The following SUGP2 variants were observed in gnomAD, a reference collection of about 807,000 sequenced individuals.
The protein encoded by SUGP2 is SURP and G-patch domain-containing protein 2.
SUGP2 carries 24 observed loss-of-function variants against 90.5 expected under a neutral mutation model. That is an observed-to-expected ratio of 0.27 (90% CI 0.19 to 0.37). SUGP2 has a LOEUF of 0.37. Ranked by LOEUF, SUGP2 falls within the 10% of genes least tolerant of loss-of-function variation. The pLI, the probability that SUGP2 is intolerant of heterozygous loss-of-function variation, is 1.00. For missense variants in SUGP2, 1,233 were observed against 1,363.3 expected, an observed-to-expected ratio of 0.90 and a Z score of 1.51; for synonymous variants, 473 against 513.4, an observed-to-expected ratio of 0.92 and a Z score of 1.06.
chr19:19,032,459 C>A (rs2059208118), intron 1 of SUGP2, among the ~76,000 whole-genome samples: 2 of 152,220 alleles, frequency 1.3e-5, no homozygotes, highest in Middle Eastern at 3.4e-3. Context: ...TGCGCCTGGC[C>A]CAGGATCACT....
Position 19,031,046 on chromosome 19 carries a change from T to G in SUGP2, c.26A>C (p.Glu9Ala). Residue 9 changes from glutamate (E) to alanine (A), a missense_variant, in exon 2 of 11, where the codon GAG (glutamate) becomes GCG (alanine). By Grantham distance (107) the Glu-to-Ala change is moderately radical. This residue lies in a region of SUGP2 where 418 missense variants were observed against 399.9 expected (regional missense o/e 1.05). Transcript: ENST00000452918. Reference sequence around the variant, plus strand: ...TTCTTGTAATACAGCATCAAAAGTCTCCTGTGTAATTCGTCTGGCTGCCAT... The same window carrying G: ...TTCTTGTAATACAGCATCAAAAGTCGCCTGTGTAATTCGTCTGGCTGCCAT... MAARRITQ[E>A]TFDAVLQEKA... The G allele has an allele frequency of 3.1e-6, 5 of 1,613,642 alleles. No homozygotes were observed. The highest frequency in any genetic ancestry group is 4.2e-6 in the Non-Finnish European group (5 of 1,179,920).
chr19:19,004,579 A>T lies in SUGP2; in HGVS notation c.2518T>A (p.Ser840Thr). Reference protein sequence around the residue: ...YRKKVFELCPSICFTSSPHNL... With the variant: ...YRKKVFELCPTICFTSSPHNL... ...TGCGGAGATGACGTGAAACAAATTG[A>T]TGGACATAGTTCAAACACTTTCTTT... Residue 840 changes from serine (S) to threonine (T), a missense_variant, in exon 7 of 11, where the codon TCA (serine) becomes ACA (threonine). By Grantham distance (58) the Ser-to-Thr change is moderately conservative (BLOSUM62 1). Transcript: ENST00000452918. 1.2e-6 allele frequency: 2 copies of T among 1,614,210 alleles called. No individual in the cohort carries two copies. The highest frequency in any genetic ancestry group is 1.7e-6 in the Non-Finnish European group (2 of 1,180,032).
chr19:19,002,876 A>G (rs573869190), intron 7 of SUGP2, among the ~76,000 whole-genome samples: 1 of 152,060 alleles, frequency 6.6e-6, no homozygotes, highest in African/African-American at 2.4e-5. Context: ...AGAAATAAAA[A>G]ACTCCACCTC....
At chr19:19,009,056 C>T (rs2058200069) in intron 5 of SUGP2, among the ~76,000 whole-genome samples, 1 of 152,148 alleles carries the variant, frequency 6.6e-6, no homozygotes, top group African/African-American at 2.4e-5. Flanking sequence ...GGACTACAGG[C>T]ATGTGCCACC....
At position 19,025,918 on chromosome 19, in the gene SUGP2, A is replaced by G. The variant is rs2058909312; in HGVS notation, c.430T>C (p.Trp144Arg). 1.2e-6 allele frequency: 2 copies of G among 1,614,126 alleles called. No homozygotes were observed. Among genetic ancestry groups the G allele is most frequent in the Non-Finnish European group, 1.7e-6 (2 of 1,180,048 alleles). ...ACTGGATGGCCAAAGTCTTGTTCCC[A>G]AGAACCACGGAGCGCAAATTTCCAG... is the stretch of plus-strand genomic sequence containing the variant. ...QDWKFALRGS[W>R]EQDFGHPVSQ... The change falls in exon 3 of 11, where the codon TGG (tryptophan) becomes CGG (arginine). Residue 144 changes from tryptophan to arginine, a missense_variant. Trp to Arg is a moderately radical substitution (Grantham distance 101). This residue lies in a region of SUGP2 where 418 missense variants were observed against 399.9 expected (regional missense o/e 1.05). Transcript: ENST00000452918.
chr19:18,995,740 C>T (rs1028961976), intron 8 of SUGP2, among the ~76,000 whole-genome samples: 2 of 152,188 alleles, frequency 1.3e-5, no homozygotes, highest in Non-Finnish European at 2.9e-5. Context: ...CCTCCCTGAA[C>T]CACCCCAACA....
intron 2 of SUGP2, 61 bp from the exon 3 acceptor site, chr19:19,026,287 T>TGCAAACAGTGCAA: frequency 1.4e-6 from 2 of 1,420,108 alleles, no homozygotes; most frequent in Admixed American, 2.8e-5. Flanking sequence ...GACCAGAGAA[T>TGCAAACAGTGCAA]GCAAACAGTG....
intron 6 of SUGP2, among the ~76,000 whole-genome samples, chr19:19,005,638 A>G (rs1447744829): frequency 1.3e-5 from 2 of 152,078 alleles, no homozygotes; most frequent in Non-Finnish European, 2.9e-5. Flanking sequence ...TGGGTCTTTC[A>G]AAGAATGGTA....
At chr19:19,001,741 G>A in intron 7 of SUGP2, 67 bp from the exon 8 acceptor site, 1 of 1,529,762 alleles carries the variant, frequency 6.5e-7, no homozygotes, top group African/African-American at 1.4e-5. Flanking sequence ...AGAGACTGAA[G>A]ATCTTGCAGT....
At chr19:18,997,443 G>A (rs1190392659) in intron 8 of SUGP2, among the ~76,000 whole-genome samples, 1 of 152,114 alleles carries the variant, frequency 6.6e-6, no homozygotes, top group African/African-American at 2.4e-5. Flanking sequence ...AAACAACCTG[G>A]AGAGGTGCTG....
intron 1 of SUGP2, among the ~76,000 whole-genome samples, chr19:19,031,444 G>T (rs936660135): frequency 3.3e-5 from 5 of 151,514 alleles, no homozygotes; most frequent in African/African-American, 1.2e-4. Context: ...TGTGGCAAGA[G>T]AATTGCTTGA....
intron 4 of SUGP2, among the ~76,000 whole-genome samples, chr19:19,012,748 T>C (rs1234220432): frequency 1.3e-5 from 2 of 152,262 alleles, no homozygotes; most frequent in African/African-American, 4.8e-5. Context: ...TCCTGTGTTA[T>C]AAAATCTTCC....
At position 19,033,489 on chromosome 19, in the gene SUGP2, C is replaced by G; in HGVS notation, c.-64G>C. On this transcript the variant is annotated 5_prime_UTR_variant, in exon 1 of 11. Transcript: ENST00000452918. Reference sequence around the variant, plus strand: ...CCCGCCGCCGCCTCAGGCTCCTCACCCGCCGCCGCCGCCGCGCGAGGCGGG... The same window carrying G: ...CCCGCCGCCGCCTCAGGCTCCTCACGCGCCGCCGCCGCCGCGCGAGGCGGG... The G allele has an allele frequency of 8.2e-7, 1 of 1,220,624 alleles. No individual in the cohort carries two copies. The allele number at this position is 1,220,624 out of a possible 1,614,324, so 75.6% of individuals were successfully genotyped here.
intron 6 of SUGP2, 71 bp downstream of exon 6, chr19:19,008,246 C>G: frequency 7.6e-7 from 1 of 1,313,000 alleles, no homozygotes; most frequent in Non-Finnish European, 1.1e-6. Context: ...CAAATCCAGC[C>G]TAAGCAACAT....
At chr19:19,028,431 T>C (rs1024893851) in intron 2 of SUGP2, among the ~76,000 whole-genome samples, 1 of 152,202 alleles carries the variant, frequency 6.6e-6, no homozygotes, top group Non-Finnish European at 1.5e-5. Flanking sequence ...CAGACGTGGA[T>C]GTTCCTGCAA....
rs756168162 is a variant in SUGP2, at chr19:19,019,164, C to T, written c.1795G>A (p.Glu599Lys). 4.0e-5 allele frequency: 65 copies of T among 1,614,138 alleles called. No individual in the cohort carries two copies. Among genetic ancestry groups the T allele is most frequent in the Non-Finnish European group, 5.0e-5 (59 of 1,179,994 alleles). Residue 599 changes from glutamate (E) to lysine (K), a missense_variant, in exon 4 of 11, where the codon GAA becomes AAA. Physicochemically the swap from Glu to Lys is moderately conservative, Grantham distance 56. This residue lies in a region of SUGP2 where 540 missense variants were observed against 542.6 expected (regional missense o/e 1.00). Coordinates refer to ENST00000452918, the MANE Select transcript of SUGP2 (RefSeq NM_001017392.5). Reference protein sequence around the residue: ...TIDQLVKRVIEGSLSPKERTL... With the variant: ...TIDQLVKRVIKGSLSPKERTL... ...CTCTCTTTGGGAGACAGGCTGCCTTCGATGACACGTTTCACAAGCTGGTCG... is the reference window on the plus strand; with the variant it reads ...CTCTCTTTGGGAGACAGGCTGCCTTTGATGACACGTTTCACAAGCTGGTCG...
chr19:19,004,141 C>T (rs376272440), intron 7 of SUGP2, 27 bp downstream of exon 7: 2 of 1,506,186 alleles, frequency 1.3e-6, no homozygotes. Flanking sequence ...GTGCTAGAGG[C>T]AACTGTGCCG....
chr19:19,011,751 C>T (rs1248969177), intron 4 of SUGP2, among the ~76,000 whole-genome samples: 1 of 152,112 alleles, frequency 6.6e-6, no homozygotes, highest in Non-Finnish European at 1.5e-5. Context: ...AATCCCAGCA[C>T]TTTGGGAGGC....
At chr19:18,998,887 AG>A (rs2057720141) in intron 8 of SUGP2, 1 of 152,356 alleles carries the variant, frequency 6.6e-6, no homozygotes, top group Non-Finnish European at 1.5e-5. Context: ...CCTTGCCATG[AG>A]AAAGTGGCCT....
Sources: gnomAD v4.1 joint callset for allele counts (sites outside exome capture counted in the v4.1 genomes callset) on GRCh38, gnomAD v4.1.1 for gene constraint, gnomAD v4.1.1 regional missense constraint, MANE v1.5 for transcripts, NCBI Gene and HGNC (gene_info 2026-07-23, HGNC 2026-07-21) for gene names.